LYN: variants seen among roughly 807,000 people sequenced by gnomAD.
The protein encoded by LYN is tyrosine-protein kinase Lyn.
A neutral mutation model predicts 65.0 loss-of-function variants in LYN; 12 were observed. The observed-to-expected ratio is 0.18, with a 90% CI of 0.12 to 0.30. The LOEUF (loss-of-function observed/expected upper bound fraction) is 0.30. LYN is among the 10% of genes least tolerant of loss of function. LYN has a pLI of 1.00. For missense variants in LYN, 380 were observed against 623.2 expected (o/e 0.61, Z 4.16); for synonymous variants, 222 against 221.2 (o/e 1.00, Z -0.03).
intron 1 of LYN, among the ~76,000 whole-genome samples, chr8:55,884,152 T>A (rs779172066): frequency 2.5e-4 from 38 of 152,200 alleles, no homozygotes; most frequent in Non-Finnish European, 4.4e-4. Context: ...CAGCCTGGAG[T>A]GCAGTGGTGC....
intron 10 of LYN, among the ~76,000 whole-genome samples, chr8:55,970,239 T>G (rs747377985): frequency 2.0e-5 from 3 of 152,262 alleles, no homozygotes; most frequent in Admixed American, 2.0e-4. Context: ...TTCCTGCTCC[T>G]CTTCTCGCTC....
At chr8:55,930,646 T>C (rs1295354540) in intron 1 of LYN, among the ~76,000 whole-genome samples, 1 of 152,204 alleles carries the variant, frequency 6.6e-6, no homozygotes, top group Non-Finnish European at 1.5e-5. Context: ...AGCAATGCCC[T>C]GTTGTCTTCC....
At chr8:55,954,211 AGGGGAGTAAT>A (rs974306786) in intron 8 of LYN, among the ~76,000 whole-genome samples, 3 of 152,112 alleles carry the variant, frequency 2.0e-5, no homozygotes, top group African/African-American at 7.2e-5. Flanking sequence ...GTTTGTAAGG[AGGGGAGTAAT>A]GGGTATTTAT....
intron 6 of LYN, among the ~76,000 whole-genome samples, chr8:55,951,168 A>G (rs1423830019): frequency 1.3e-5 from 2 of 151,982 alleles, no homozygotes; most frequent in South Asian, 2.1e-4. Flanking sequence ...ACCTGAACCC[A>G]GGGAAGGGAG....
At chr8:55,985,071 A>G (rs1424239403) in intron 10 of LYN, among the ~76,000 whole-genome samples, 1 of 152,232 alleles carries the variant, frequency 6.6e-6, no homozygotes, top group Non-Finnish European at 1.5e-5. Flanking sequence ...ACTGCCATTG[A>G]GAAGTTGCTG....
chr8:55,971,063 T>A (rs890811455), intron 10 of LYN, among the ~76,000 whole-genome samples: 1 of 152,192 alleles, frequency 6.6e-6, no homozygotes, highest in African/African-American at 2.4e-5. Flanking sequence ...GTCACAGTGC[T>A]CAGGCATCCT....
intron 6 of LYN, 28 bp from the exon 7 acceptor site, chr8:55,951,938 A>G: frequency 6.3e-7 from 1 of 1,598,318 alleles, no homozygotes; most frequent in Non-Finnish European, 8.5e-7. Flanking sequence ...TGAGATATAA[A>G]CATTTACTTA....
chr8:55,922,326 G>A (rs991347820), intron 1 of LYN, among the ~76,000 whole-genome samples: 2 of 152,128 alleles, frequency 1.3e-5, no homozygotes, highest in African/African-American at 4.8e-5. Context: ...CTGGGCTCAA[G>A]CGATTCTCCT....
chr8:55,943,662 A>G (rs572518714), intron 2 of LYN, among the ~76,000 whole-genome samples: 1 of 151,496 alleles, frequency 6.6e-6, no homozygotes, highest in Non-Finnish European at 1.5e-5. Context: ...ATATATTCCC[A>G]TTATCAAACC....
intron 6 of LYN, among the ~76,000 whole-genome samples, chr8:55,951,703 T>C (rs1249919002): frequency 6.6e-6 from 1 of 150,972 alleles, no homozygotes; most frequent in Non-Finnish European, 1.5e-5. Context: ...CTTAAAAAAA[T>C]TTAAATGTAG....
intron 8 of LYN, among the ~76,000 whole-genome samples, chr8:55,958,585 A>G (rs1807186224): frequency 6.6e-6 from 1 of 152,198 alleles, no homozygotes; most frequent in Non-Finnish European, 1.5e-5. Context: ...TTTTCATCTG[A>G]TAAAACTGAG....
chr8:55,915,325 T>A (rs1376345515), intron 1 of LYN, among the ~76,000 whole-genome samples: 1 of 152,218 alleles, frequency 6.6e-6, no homozygotes, highest in African/African-American at 2.4e-5. Flanking sequence ...TTAACTATAG[T>A]TTGTTTAAAT....
chr8:56,009,002 T>G (rs960383179), intron 12 of LYN, among the ~76,000 whole-genome samples: 2 of 152,234 alleles, frequency 1.3e-5, no homozygotes, highest in Non-Finnish European at 2.9e-5. Context: ...CCCTAAGTTT[T>G]TAACTATTTG....
intron 8 of LYN, among the ~76,000 whole-genome samples, chr8:55,965,485 T>A (rs1260754519): frequency 6.6e-6 from 1 of 152,196 alleles, no homozygotes; most frequent in Non-Finnish European, 1.5e-5. Context: ...CTCTAGCATA[T>A]TGTACTTTAA....
chr8:55,950,911 G>T, intron 6 of LYN, 127 bp downstream of exon 6: 1 of 672,782 alleles, frequency 1.5e-6, no homozygotes, highest in East Asian at 2.7e-5. Flanking sequence ...TTTATGGTTT[G>T]ATAACAAATA....
In LYN at chr8:55,945,761, C is replaced by T. The variant is rs148531538; in HGVS notation, c.133-687C>T. On this transcript the variant is annotated intron_variant, in intron 2 of 12. Coordinates refer to ENST00000519728, the MANE Select transcript of LYN (RefSeq NM_002350.4). ...CCACTGAAATAACAGGGGATGCCAT[C>T]TGTCCCTGTGATGGAGTCAGGGTCA... Among the ~76,000 whole-genome samples the T allele has an allele frequency of 1.8e-3, 279 of 152,364 alleles. 1 individual carries two copies. Among genetic ancestry groups the T allele is most frequent in the Non-Finnish European group, 2.6e-3 (176 of 68,040 alleles).
At chr8:55,964,201 C>T (rs868541) in intron 8 of LYN, among the ~76,000 whole-genome samples, 71,265 of 151,794 alleles carry the variant, frequency 0.47, 17,495 homozygotes, top group African/African-American at 0.59. Context: ...TAACACTTAT[C>T]TTGTACTGCA....
chr8:55,922,111 G>T (rs1469023850), intron 1 of LYN, among the ~76,000 whole-genome samples: 1 of 152,068 alleles, frequency 6.6e-6, no homozygotes, highest in Admixed American at 6.5e-5. Flanking sequence ...TTTTCTTTGG[G>T]CAGAGTCTCA....
intron 8 of LYN, among the ~76,000 whole-genome samples, chr8:55,957,046 C>T (rs2668016): frequency 0.22 from 33,405 of 152,158 alleles, 3,968 homozygotes; most frequent in Middle Eastern, 0.3. Context: ...AAGCAACTTA[C>T]TCAAGGTCAT....
Sources: gnomAD v4.1 joint callset for allele counts (sites outside exome capture counted in the v4.1 genomes callset) on GRCh38, gnomAD v4.1.1 for gene constraint, MANE v1.5 for transcripts, NCBI Gene and HGNC (gene_info 2026-07-23, HGNC 2026-07-21) for gene names.